The following BORCS5 variants were observed in gnomAD, a reference collection of about 807,000 sequenced individuals.
The protein encoded by BORCS5 is BLOC-1 related complex subunit 5, also known as BLOC-1-related complex subunit 5.
BORCS5 carries 17 observed loss-of-function variants against 22.1 expected under a neutral mutation model. The ratio of observed to expected loss-of-function variants is 0.77; its 90% CI spans 0.53 to 1.15. The LOEUF (loss-of-function observed/expected upper bound fraction) is 1.15. Among genes scored for constraint, BORCS5 ranks in the 50% most tolerant of loss-of-function variants. The pLI, the probability that BORCS5 is intolerant of heterozygous loss-of-function variation, is 0.00. For missense variants in BORCS5, 247 were observed against 253.2 expected, an observed-to-expected ratio of 0.98 and a Z score of 0.17; for synonymous variants, 117 against 99.8, an observed-to-expected ratio of 1.17 and a Z score of -1.03.
chr12:12,469,139 G>A lies in BORCS5; in HGVS notation c.*3363G>A, dbSNP rs1943246319. ...AGGCCGAGACGAGTGGATCACCTGA[G>A]GTCAGGAGTTCCAGACCAGCCTGAC... On this transcript the variant is annotated 3_prime_UTR_variant, in exon 4 of 4. Coordinates refer to ENST00000314565, the MANE Select transcript of BORCS5 (RefSeq NM_058169.6). 1 of 152,102 alleles carries A rather than the reference G, an allele frequency of 6.6e-6. No homozygotes were observed. Among genetic ancestry groups the A allele is most frequent in the South Asian group, 2.1e-4 (1 of 4,818 alleles). 9.4% of individuals were successfully genotyped at this position (152,102 alleles called of 1,614,324 possible).
chr12:12,448,071 C>T (rs1435843920), intron 3 of BORCS5, among the ~76,000 whole-genome samples: 1 of 152,176 alleles, frequency 6.6e-6, no homozygotes, highest in Middle Eastern at 3.2e-3. Context: ...AGCTGAGATT[C>T]AGAGACCTGA....
intron 3 of BORCS5, among the ~76,000 whole-genome samples, chr12:12,451,655 G>C (rs1382822158): frequency 6.6e-6 from 1 of 152,138 alleles, no homozygotes; most frequent in South Asian, 2.1e-4. Context: ...AGGCCGAGGC[G>C]GGCGGATCAC....
At chr12:12,415,759 G>A (rs1941930540) in intron 2 of BORCS5, among the ~76,000 whole-genome samples, 1 of 151,992 alleles carries the variant, frequency 6.6e-6, no homozygotes, top group Non-Finnish European at 1.5e-5. Context: ...TTGCATCAAT[G>A]TTTGTAAGGT....
rs1941374094 is a variant in BORCS5 at position 12,397,333 on chromosome 12, A to C, written c.202+35984A>C. On this transcript the variant is annotated intron_variant, in intron 2 of 3. Coordinates refer to ENST00000314565, the MANE Select transcript of BORCS5 (RefSeq NM_058169.6). The stretch of plus-strand genomic sequence containing the variant: ...CTAGAGAATGACCAGGAACATGCTC[A>C]AGTTGTTACACAGTTTTTTGTACGT... Among the ~76,000 whole-genome samples, 6 of 152,308 alleles carry C rather than the reference A, an allele frequency of 3.9e-5. No homozygotes were observed. The South Asian group carries it at 1.2e-3, about 32-fold the overall frequency.
chr12:12,403,478 G>T (rs147277545), intron 2 of BORCS5, among the ~76,000 whole-genome samples: 4 of 152,224 alleles, frequency 2.6e-5, no homozygotes, highest in Admixed American at 6.5e-5. Context: ...AGTCCGCTGT[G>T]GGGGGCACCT....
intron 2 of BORCS5, among the ~76,000 whole-genome samples, chr12:12,414,646 G>A (rs1441351294): frequency 4.3e-5 from 4 of 94,004 alleles, no homozygotes; most frequent in East Asian, 2.5e-4. Context: ...GGGCAGAGGA[G>A]CCCCTCACCT....
At chr12:12,378,256 C>T (rs548707911) in intron 2 of BORCS5, among the ~76,000 whole-genome samples, 3 of 152,232 alleles carry the variant, frequency 2.0e-5, no homozygotes, top group African/African-American at 7.2e-5. Context: ...CCTGTAATCC[C>T]AGCTACTCAG....
intron 2 of BORCS5, among the ~76,000 whole-genome samples, chr12:12,397,187 C>A (rs1272960642): frequency 6.6e-6 from 1 of 152,170 alleles, no homozygotes; most frequent in African/African-American, 2.4e-5. Context: ...CTCCCCAGAA[C>A]AGGCTAGATG....
Position 12,431,909 on chromosome 12 carries a change from G to A in BORCS5, c.203-3719G>A, listed in dbSNP as rs564858398. Among the ~76,000 whole-genome samples, 352 of 150,890 alleles carry A rather than the reference G, an allele frequency of 2.3e-3. 1 individual carries two copies. Among genetic ancestry groups the A allele is most frequent in the Non-Finnish European group, 3.2e-3 (218 of 67,850 alleles). Reference sequence around the variant, plus strand: ...GGGTTTCACCGTGTTAGCCAGGCTGGTCTTGAACTCCTGACCTCAGGTGAT... The same window carrying A: ...GGGTTTCACCGTGTTAGCCAGGCTGATCTTGAACTCCTGACCTCAGGTGAT... On this transcript the variant is annotated intron_variant, in intron 2 of 3. Coordinates refer to ENST00000314565, the MANE Select transcript of BORCS5 (RefSeq NM_058169.6).
chr12:12,458,418 T>C (rs1342042352), intron 3 of BORCS5, among the ~76,000 whole-genome samples: 8 of 152,208 alleles, frequency 5.3e-5, no homozygotes, highest in African/African-American at 9.7e-5. Context: ...ATAAGAGTTA[T>C]TGATATATTC....
chr12:12,444,554 T>G (rs1178806533), intron 3 of BORCS5, among the ~76,000 whole-genome samples: 1 of 152,220 alleles, frequency 6.6e-6, no homozygotes, highest in Non-Finnish European at 1.5e-5. Context: ...CCAAAGAGGC[T>G]GGGAAATACA....
chr12:12,465,321 T>C (rs977323931), intron 3 of BORCS5, among the ~76,000 whole-genome samples: 13 of 152,078 alleles, frequency 8.5e-5, no homozygotes, highest in Non-Finnish European at 1.6e-4. Context: ...TCCCAGAACA[T>C]AGAGCCAGGG....
chr12:12,449,251 G>A (rs1942857008), intron 3 of BORCS5, among the ~76,000 whole-genome samples: 1 of 152,160 alleles, frequency 6.6e-6, no homozygotes, highest in East Asian at 1.9e-4. Flanking sequence ...GGTTACAGAC[G>A]GGGCCTTTTC....
chr12:12,446,162 A>G (rs1236277501), intron 3 of BORCS5, among the ~76,000 whole-genome samples: 3 of 152,142 alleles, frequency 2.0e-5, no homozygotes, highest in Non-Finnish European at 2.9e-5. Context: ...ACAGACAAGA[A>G]TCCCTCCTTC....
rs1337430052 is a variant in BORCS5, at chr12:12,414,504, C to T, written c.203-21124C>T. Reference sequence around the variant, plus strand: ...GGGGCTCCTCACTTCCCAGTAGGGGCGGCCGGGCAGAGGAGCCCCTCACCT... The same window carrying T: ...GGGGCTCCTCACTTCCCAGTAGGGGTGGCCGGGCAGAGGAGCCCCTCACCT... On this transcript the variant is annotated intron_variant, in intron 2 of 3. Coordinates refer to ENST00000314565, the MANE Select transcript of BORCS5 (RefSeq NM_058169.6). Among the ~76,000 whole-genome samples the T allele has an allele frequency of 4.4e-4, 32 of 71,912 alleles. 1 individual carries two copies. The East Asian group carries it at 6.4e-3, about 14-fold the overall frequency. 47.2% of individuals were successfully genotyped at this position (71,912 alleles called of 152,430 possible).
At chr12:12,399,949 T>G (rs1184234776) in intron 2 of BORCS5, among the ~76,000 whole-genome samples, 1 of 152,212 alleles carries the variant, frequency 6.6e-6, no homozygotes, top group Non-Finnish European at 1.5e-5. Context: ...AAGCTAAGCA[T>G]AGACATTAGC....
intron 3 of BORCS5, among the ~76,000 whole-genome samples, chr12:12,450,010 T>A (rs1329772635): frequency 1.3e-5 from 2 of 152,238 alleles, no homozygotes; most frequent in Non-Finnish European, 2.9e-5. Flanking sequence ...TTATTTCCCT[T>A]ATGGTCAGAA....
At chr12:12,380,530 T>C (rs993162266) in intron 2 of BORCS5, among the ~76,000 whole-genome samples, 1 of 151,564 alleles carries the variant, frequency 6.6e-6, no homozygotes, top group African/African-American at 2.4e-5. Flanking sequence ...ACATACTCTT[T>C]TGAGTCTGAC....
intron 3 of BORCS5, among the ~76,000 whole-genome samples, chr12:12,437,572 A>G (rs1942580655): frequency 6.6e-6 from 1 of 152,160 alleles, no homozygotes; most frequent in African/African-American, 2.4e-5. Flanking sequence ...ATATTCCCTC[A>G]CCACCCCTTG....
Sources: gnomAD v4.1 joint callset for allele counts (sites outside exome capture counted in the v4.1 genomes callset) on GRCh38, gnomAD v4.1.1 for gene constraint, MANE v1.5 for transcripts, NCBI Gene and HGNC (gene_info 2026-07-23, HGNC 2026-07-21) for gene names.